The following SYCP1 variants were observed in gnomAD, a reference collection of about 807,000 sequenced individuals.
SYCP1 encodes the protein synaptonemal complex protein 1.
Under a neutral mutation model 153.1 loss-of-function variants are expected in SYCP1, and 64 were observed. The ratio of observed to expected loss-of-function variants is 0.42; its 90% CI spans 0.34 to 0.51. The LOEUF (loss-of-function observed/expected upper bound fraction) is 0.51. Ranked by LOEUF, SYCP1 falls within the 20% of genes least tolerant of loss-of-function variation. The pLI is 0.06. For synonymous variants in SYCP1, 384 were observed against 341.8 expected (o/e 1.12, Z -1.36); for missense variants, 997 against 1,049.0 (o/e 0.95, Z 0.68).
At chr1:114,875,959 TG>T in intron 9 of SYCP1, 109 bp from the exon 10 acceptor site, 1 of 629,812 alleles carries the variant, frequency 1.6e-6, no homozygotes, top group South Asian at 3.2e-5. Context: ...TTCCAAATTG[TG>T]TGGTTTTAAA....
Position 114,858,536 on chromosome 1 carries a change from T to C in SYCP1, c.292-11T>C. 1 of 1,548,788 alleles carries C rather than the reference T, an allele frequency of 6.5e-7. No homozygotes were observed. Among genetic ancestry groups the C allele is most frequent in the African/African-American group, 1.4e-5 (1 of 72,246 alleles). On this transcript the variant is annotated splice_polypyrimidine_tract_variant and intron_variant, in intron 5 of 31. Coordinates refer to ENST00000369522, the MANE Select transcript of SYCP1 (RefSeq NM_003176.4). ...TTTGGACAATTAATTTTTGAAAACA[T>C]ATTTTAATAGAATTCAGAGGGATTG...
intron 16 of SYCP1, 37 bp from the exon 17 acceptor site, chr1:114,910,360 G>T: frequency 7.1e-7 from 1 of 1,411,948 alleles, no homozygotes; most frequent in Non-Finnish European, 9.9e-7. Flanking sequence ...CTATGTGTAT[G>T]GTTTGGCATT....
chr1:114,951,033 C>T (rs1671073688), intron 27 of SYCP1, among the ~76,000 whole-genome samples: 1 of 151,948 alleles, frequency 6.6e-6, no homozygotes, highest in Non-Finnish European at 1.5e-5. Flanking sequence ...ACTGTGTTAG[C>T]CAGGATGGTC....
chr1:114,878,697 C>T (rs990842128), intron 12 of SYCP1, among the ~76,000 whole-genome samples: 1 of 152,122 alleles, frequency 6.6e-6, no homozygotes, highest in African/African-American at 2.4e-5. Context: ...GTGTGTACCA[C>T]CACGCCTGGC....
chr1:114,881,508 C>T (rs565997690), intron 12 of SYCP1, among the ~76,000 whole-genome samples: 1 of 148,004 alleles, frequency 6.8e-6, no homozygotes, highest in East Asian at 2.0e-4. Flanking sequence ...ATTATCCTTC[C>T]TTCCTTCCTT....
chr1:114,876,725 T>A lies in SYCP1; in HGVS notation c.728-12T>A, dbSNP rs776045532. 16 of 1,299,628 alleles carry A rather than the reference T, an allele frequency of 1.2e-5. No homozygotes were observed. In the East Asian group the frequency reaches 4.5e-4, roughly 37 times the overall value. The allele number at this position is 1,299,628 out of a possible 1,614,324, so 80.5% of individuals were successfully genotyped here. A position where few individuals can be genotyped will look rare whatever the true frequency, so the allele number is the denominator to read the frequency against. ...GTTATGACATTACAGTATATTTGTT[T>A]TATTTTTAAAGTAAAGGAAGATTAT... On this transcript the variant is annotated splice_polypyrimidine_tract_variant and intron_variant, in intron 10 of 31. Coordinates refer to ENST00000369522, the MANE Select transcript of SYCP1 (RefSeq NM_003176.4).
intron 24 of SYCP1, 52 bp from the exon 25 acceptor site, chr1:114,944,820 T>C: frequency 7.8e-7 from 1 of 1,277,748 alleles, no homozygotes; most frequent in Non-Finnish European, 1.1e-6. Context: ...TACACTTGTT[T>C]GTTTTTTGTG....
intron 27 of SYCP1, among the ~76,000 whole-genome samples, chr1:114,962,169 G>C (rs1318470184): frequency 6.6e-6 from 1 of 151,878 alleles, no homozygotes; most frequent in Non-Finnish European, 1.5e-5. Context: ...TTTTTTAGTA[G>C]AGACAGGGTT....
intron 27 of SYCP1, among the ~76,000 whole-genome samples, chr1:114,971,914 G>A (rs1672511645): frequency 1.3e-5 from 2 of 152,028 alleles, no homozygotes; most frequent in Admixed American, 1.3e-4. Context: ...TTTGGTTTAA[G>A]GGTACTACTG....
intron 31 of SYCP1, 47 bp from the exon 32 acceptor site, chr1:114,994,835 T>C (rs1674169518): frequency 6.4e-7 from 1 of 1,573,846 alleles, no homozygotes; most frequent in South Asian, 1.2e-5. Flanking sequence ...AAGCTGCACT[T>C]AAAAAATTAA....
At chr1:114,961,753 G>A (rs1034430155) in intron 27 of SYCP1, among the ~76,000 whole-genome samples, 8 of 151,998 alleles carry the variant, frequency 5.3e-5, no homozygotes, top group Non-Finnish European at 8.8e-5. Context: ...CTGTTTTGTG[G>A]CCTTTCATAT....
intron 29 of SYCP1, 31 bp downstream of exon 29, chr1:114,981,543 A>C: frequency 2.0e-6 from 3 of 1,535,672 alleles, no homozygotes; most frequent in Non-Finnish European, 2.6e-6. Flanking sequence ...TGTTAGTAGT[A>C]ATTTTTTAAA....
chr1:114,926,951 A>C (rs1669294411), intron 23 of SYCP1, among the ~76,000 whole-genome samples: 1 of 152,068 alleles, frequency 6.6e-6, no homozygotes, highest in African/African-American at 2.4e-5. Context: ...GGGATTGAAA[A>C]CCATTTACTT....
chr1:114,945,143 A>C (rs1259416498), intron 25 of SYCP1, among the ~76,000 whole-genome samples, 161 bp downstream of exon 25: 1 of 151,984 alleles, frequency 6.6e-6, no homozygotes, highest in Non-Finnish European at 1.5e-5. Context: ...CATTTCTTCA[A>C]GTTCAGATCT....
At chr1:114,975,119 T>C (rs903509659) in intron 27 of SYCP1, among the ~76,000 whole-genome samples, 2 of 151,876 alleles carry the variant, frequency 1.3e-5, no homozygotes, top group African/African-American at 4.8e-5. Context: ...GGACATTGTA[T>C]ATCTTCTTTG....
At position 114,994,877 on chromosome 1, in the gene SYCP1, C is replaced by T. The variant is rs1674171845; in HGVS notation, c.2794-5C>T. 6.3e-7 allele frequency: 1 copy of T among 1,585,230 alleles called. No individual in the cohort carries two copies. Among genetic ancestry groups the T allele is most frequent in the Non-Finnish European group, 8.5e-7 (1 of 1,170,232 alleles). On this transcript the variant is annotated splice_region_variant and splice_polypyrimidine_tract_variant and intron_variant, in intron 31 of 31. Transcript: ENST00000369522. Reference sequence around the variant, plus strand: ...TATGATTTTTAAATTTTATTTTGTACTCAGGCCCCTTCATCTCTAACAACC... The same window carrying T: ...TATGATTTTTAAATTTTATTTTGTATTCAGGCCCCTTCATCTCTAACAACC...
chr1:114,915,792 G>A (rs1668475737), intron 20 of SYCP1, among the ~76,000 whole-genome samples: 1 of 152,196 alleles, frequency 6.6e-6, no homozygotes, highest in Admixed American at 6.5e-5. Context: ...TATTAGGTAA[G>A]TTAATTTGGT....
chr1:114,885,770 C>G lies in SYCP1; in HGVS notation c.1005+141C>G, dbSNP rs141036684. The G allele has an allele frequency of 1.3e-4, 74 of 554,168 alleles. No individual in the cohort carries two copies. In the East Asian group the frequency reaches 2.2e-3, roughly 17 times the overall value. The allele number at this position is 554,168 out of a possible 1,614,324, so 34.3% of individuals were successfully genotyped here. Reference sequence around the variant, plus strand: ...AGACACAATCCTAGTCTGCAAAATGCTATAGTTTAGAGACATTGCATAAAA... The same window carrying G: ...AGACACAATCCTAGTCTGCAAAATGGTATAGTTTAGAGACATTGCATAAAA... On this transcript the variant is annotated intron_variant, in intron 13 of 31. Coordinates refer to ENST00000369522, the MANE Select transcript of SYCP1 (RefSeq NM_003176.4).
At chr1:114,934,342 T>C (rs1300142801) in intron 23 of SYCP1, among the ~76,000 whole-genome samples, 1 of 152,136 alleles carries the variant, frequency 6.6e-6, no homozygotes. Context: ...TAAAATCCTT[T>C]ACAGACAAGC....
Sources: allele counts gnomAD v4.1 joint callset (sites outside exome capture counted in the v4.1 genomes callset), GRCh38; gene constraint gnomAD v4.1.1; transcripts MANE v1.5; gene names NCBI Gene and HGNC (gene_info 2026-07-23, HGNC 2026-07-21).